Variants in NTSR2 observed in about 807,000 individuals in gnomAD.
NTSR2 encodes neurotensin receptor 2, also known as neurotensin receptor type 2.
In NTSR2, 22 loss-of-function variants were observed where a neutral mutation model predicts 24.1. The observed-to-expected ratio is 0.91, with a 90% confidence interval of 0.65 to 1.30. The LOEUF (loss-of-function observed/expected upper bound fraction) is 1.30, where lower values mean the gene tolerates loss of function less well. Ranked by LOEUF, NTSR2 falls within the 50% of genes most tolerant of loss-of-function variation. The pLI, the probability that NTSR2 is intolerant of heterozygous loss-of-function variation, is 0.00. For synonymous variants in NTSR2, 291 were observed against 267.0 expected, an observed-to-expected ratio of 1.09 and a Z score of -0.88; for missense variants, 570 against 570.4, an observed-to-expected ratio of 1.00 and a Z score of 0.01.
chr2:11,669,689 C>T lies in NTSR2; in HGVS notation c.441G>A (p.Leu147=). 6.5e-7 allele frequency: 1 copy of T among 1,532,410 alleles called. No individual in the cohort carries two copies. 94.9% of individuals were successfully genotyped at this position (1,532,410 alleles called of 1,614,324 possible). A position where few individuals can be genotyped will look rare whatever the true frequency, so the allele number is the denominator to read the frequency against. Residue 147 remains leucine (L), a synonymous_variant, in exon 1 of 4, where the codon CTG becomes CTA. Transcript: ENST00000306928. ...CCAGCCACCGGGTCCGGCGTGGCGT[C>T]AGCAGGCTGCGGGCACGCAGGGGCT... is the stretch of plus-strand genomic sequence containing the variant. ...VCQPLRARSL[L]TPRRTRWLVA...
At chr2:11,660,540 T>C (rs1404436936) in intron 2 of NTSR2, among the ~76,000 whole-genome samples, 1 of 152,082 alleles carries the variant, frequency 6.6e-6, no homozygotes, top group African/African-American at 2.4e-5. Context: ...CCGAGGCAGG[T>C]GGATCAGTTG....
At chr2:11,661,633 C>T (rs570792532) in intron 2 of NTSR2, among the ~76,000 whole-genome samples, 1 of 152,170 alleles carries the variant, frequency 6.6e-6, no homozygotes, top group Admixed American at 6.5e-5. Flanking sequence ...ATCTGAGAGT[C>T]CACAATTTGC....
chr2:11,658,350 A>C lies in NTSR2; in HGVS notation c.*129T>G. ...TTCCCTGCGCTTGATGGTTCTCAGCAGAGCAGGGGTTGATAGAAGTCGCCC... is the reference window on the plus strand; with the variant it reads ...TTCCCTGCGCTTGATGGTTCTCAGCCGAGCAGGGGTTGATAGAAGTCGCCC... On this transcript the variant is annotated 3_prime_UTR_variant, in exon 4 of 4. Coordinates refer to ENST00000306928, the MANE Select transcript of NTSR2 (RefSeq NM_012344.4). 1 of 1,315,488 alleles carries C rather than the reference A, an allele frequency of 7.6e-7. No individual in the cohort carries two copies. The highest frequency in any genetic ancestry group is 2.3e-5 in the East Asian group (1 of 43,088). The allele number at this position is 1,315,488 out of a possible 1,614,324, so 81.5% of individuals were successfully genotyped here.
rs1661291335 is a variant in NTSR2 at position 11,669,866 on chromosome 2, C to T, written c.264G>A (p.Pro88=). 2 of 1,585,404 alleles carry T rather than the reference C, an allele frequency of 1.3e-6. No individual in the cohort carries two copies. The highest frequency in any genetic ancestry group is 1.7e-6 in the Non-Finnish European group (2 of 1,172,424). ...ACCACACGAAGCTGTAGAGCTCCAC[C>T]GGCACGCCGACCAGCAGCAGCAGCA... The part of the protein sequence containing the change: ...AGLLLLLVGV[P]VELYSFVWFH... The change falls in exon 1 of 4, where the codon CCG becomes CCA. Residue 88 remains proline (P), a synonymous_variant. Coordinates refer to ENST00000306928, the MANE Select transcript of NTSR2 (RefSeq NM_012344.4).
At chr2:11,659,984 C>T (rs1661033826) in intron 3 of NTSR2, 59 bp downstream of exon 3, 3 of 1,448,274 alleles carry the variant, frequency 2.1e-6, no homozygotes, top group Non-Finnish European at 2.9e-6. Flanking sequence ...AATGGAGACC[C>T]CAGGCCTAGC....
intron 1 of NTSR2, among the ~76,000 whole-genome samples, chr2:11,664,699 T>A (rs536736474): frequency 3.3e-4 from 51 of 152,326 alleles, no homozygotes; most frequent in Admixed American, 5.2e-4. Context: ...TATGCATTAG[T>A]AATTAATCTT....
In NTSR2 at chr2:11,658,540, T is replaced by TGG. The variant is rs1558694172; in HGVS notation, c.1170_1171dup (p.Gln391ProfsTer6). 1.2e-6 allele frequency: 2 copies of TGG among 1,614,184 alleles called. No homozygotes were observed. The highest frequency in any genetic ancestry group is 1.7e-6 in the Non-Finnish European group (2 of 1,180,012). On this transcript the variant is annotated frameshift_variant, in exon 4 of 4. Transcript: ENST00000306928. LOFTEE classifies it low-confidence loss of function (END_TRUNC). ...AGCTGTATCCATTAGGGTGGGACTCTGGGGCTTCGGGGGTAACCGCTTCAT... is the reference window on the plus strand; with the variant it reads ...AGCTGTATCCATTAGGGTGGGACTCTGGGGGGCTTCGGGGGTAACCGCTTCAT...
chr2:11,660,220 G>C (rs1572263262), intron 2 of NTSR2, 87 bp from the exon 3 acceptor site: 3 of 1,020,732 alleles, frequency 2.9e-6, no homozygotes, highest in Non-Finnish European at 3.0e-6. Flanking sequence ...GCTGATGCCC[G>C]AGGGGATAGC....
At position 11,667,478 on chromosome 2, in the gene NTSR2, C is replaced by T. The variant is rs1481754629; in HGVS notation, c.624+2028G>A. ...CTTCCTGCCTCAGGCTCCTCAACAG[C>T]TAGGACTACAGGCATGCCACCATGC... On this transcript the variant is annotated intron_variant, in intron 1 of 3. Transcript: ENST00000306928. Among the ~76,000 whole-genome samples, 3 of 152,136 alleles carry T rather than the reference C, an allele frequency of 2.0e-5. No individual in the cohort carries two copies. In the East Asian group the frequency reaches 5.8e-4, roughly 29 times the overall value.
At position 11,669,240 on chromosome 2, in the gene NTSR2, C is replaced by G. The variant is rs1661269764; in HGVS notation, c.624+266G>C. 2.6e-5 allele frequency among the ~76,000 whole-genome samples: 4 copies of G among 152,174 alleles called. No homozygotes were observed. The South Asian group carries it at 8.3e-4, about 32-fold the overall frequency. Reference sequence around the variant, plus strand: ...ACAGGCTCTGCAGGCAACTTTACGCCCAAATGTCTGAGCACCACTCTCGCA... The same window carrying G: ...ACAGGCTCTGCAGGCAACTTTACGCGCAAATGTCTGAGCACCACTCTCGCA... On this transcript the variant is annotated intron_variant, in intron 1 of 3. Transcript: ENST00000306928.
chr2:11,669,460 G>GGGGGGGGGGGGGCCCCCCCCCCC, intron 1 of NTSR2, 46 bp downstream of exon 1: 14 of 254,710 alleles, frequency 5.5e-5, no homozygotes, highest in East Asian at 1.6e-4. Context: ...TCCCAGCACC[G>GGGGGGGGGGGGGCCCCCCCCCCC]CCCCCCCACC....
chr2:11,669,624 G>A lies in NTSR2; in HGVS notation c.506C>T (p.Pro169Leu), dbSNP rs369763734. ...SWAASLGLALPMAVIMGQKHE... is the reference protein window; with the variant it reads ...SWAASLGLALLMAVIMGQKHE... The stretch of plus-strand genomic sequence containing the variant: ...CTTCTGCCCCATGATGACGGCCATG[G>A]GCAGGGCGAGGCCGAGCGAGGCGGC... Residue 169 changes from proline to leucine, a missense_variant, in exon 1 of 4, where the codon CCC becomes CTC. By Grantham distance (98) the Pro-to-Leu change is moderately conservative. Coordinates refer to ENST00000306928, the MANE Select transcript of NTSR2 (RefSeq NM_012344.4). 1.9e-6 allele frequency: 3 copies of A among 1,574,650 alleles called. No homozygotes were observed. The highest frequency in any genetic ancestry group is 2.6e-6 in the Non-Finnish European group (3 of 1,167,418).
At chr2:11,668,838 G>A (rs778362110) in intron 1 of NTSR2, among the ~76,000 whole-genome samples, 3 of 152,216 alleles carry the variant, frequency 2.0e-5, no homozygotes, top group Non-Finnish European at 2.9e-5. Flanking sequence ...TCAGAAGACG[G>A]GAGAGTCCCT....
At chr2:11,668,362 G>A (rs897731459) in intron 1 of NTSR2, among the ~76,000 whole-genome samples, 1 of 152,188 alleles carries the variant, frequency 6.6e-6, no homozygotes, top group Non-Finnish European at 1.5e-5. Flanking sequence ...AGGGCCCTTC[G>A]ACTGTGTAGG....
intron 1 of NTSR2, among the ~76,000 whole-genome samples, chr2:11,665,083 T>TTTC (rs1558698254): frequency 1.1e-5 from 1 of 92,196 alleles, no homozygotes; most frequent in Non-Finnish European, 2.1e-5. Flanking sequence ...TTTTTTTTTT[T>TTTC]CCAAGCTTGT....
chr2:11,664,037 A>C (rs1317414207), intron 1 of NTSR2, among the ~76,000 whole-genome samples: 1 of 152,168 alleles, frequency 6.6e-6, no homozygotes, highest in Non-Finnish European at 1.5e-5. Context: ...TTTACTTTTA[A>C]AAATTCAAAA....
intron 1 of NTSR2, among the ~76,000 whole-genome samples, chr2:11,664,155 C>A (rs981793113): frequency 7.1e-6 from 1 of 140,074 alleles, no homozygotes; most frequent in African/African-American, 2.7e-5. Flanking sequence ...GAGACGAGGT[C>A]GCCCAGACTA....
At chr2:11,669,459 C>CGGGGGCGGGGGGGGG in intron 1 of NTSR2, 47 bp downstream of exon 1, 2 of 337,896 alleles carry the variant, frequency 5.9e-6, no homozygotes, top group Non-Finnish European at 1.1e-5. Flanking sequence ...CTCCCAGCAC[C>CGGGGGCGGGGGGGGG]GCCCCCCCAC....
Position 11,662,122 on chromosome 2 carries a change from C to T in NTSR2, c.743G>A (p.Ser248Asn). The change falls in exon 2 of 4, where the codon AGC (serine) becomes AAC (asparagine). Residue 248 changes from serine to asparagine, a missense_variant. Ser to Asn is a conservative substitution (Grantham distance 46, BLOSUM62 1). Coordinates refer to ENST00000306928, the MANE Select transcript of NTSR2 (RefSeq NM_012344.4). ...SQVPSTSTPG[S>N]STPSRLELLS... ...CAGCTCCAGGCGGCTGGGGGTGGAG[C>T]TGCCCGGGGTAGAAGTGGACGGCAC... The T allele has an allele frequency of 3.1e-6, 5 of 1,612,576 alleles. No individual in the cohort carries two copies. Among genetic ancestry groups the T allele is most frequent in the Non-Finnish European group, 4.2e-6 (5 of 1,179,534 alleles).
Sources: allele counts gnomAD v4.1 joint callset (sites outside exome capture counted in the v4.1 genomes callset), GRCh38; gene constraint gnomAD v4.1.1; transcripts MANE v1.5; gene names NCBI Gene and HGNC (gene_info 2026-07-23, HGNC 2026-07-21).